Variants in TRIM72 observed in about 807,000 individuals in gnomAD.
The protein encoded by TRIM72 is tripartite motif-containing protein 72.
Under a neutral mutation model 31.6 loss-of-function variants are expected in TRIM72, and 33 were observed. The ratio of observed to expected loss-of-function variants is 1.04; its 90% confidence interval spans 0.79 to 1.40. The LOEUF (loss-of-function observed/expected upper bound fraction) is 1.40. TRIM72 is among the 40% of genes most tolerant of loss of function. The pLI is 0.00. For missense variants in TRIM72, 666 were observed against 682.7 expected (o/e 0.98, Z 0.27); for synonymous variants, 301 against 314.4 (o/e 0.96, Z 0.45).
At chr16:31,217,963 G>A (rs568649264) in intron 2 of TRIM72, among the ~76,000 whole-genome samples, 7 of 152,296 alleles carry the variant, frequency 4.6e-5, no homozygotes, top group African/African-American at 1.4e-4. Context: ...AAGCCCATGT[G>A]TGTACAGGCA....
chr16:31,216,617 GC>G lies in TRIM72; in HGVS notation c.390+1490del. 1 of 1,009,752 alleles carries G rather than the reference GC, an allele frequency of 9.9e-7. No homozygotes were observed. Among genetic ancestry groups the G allele is most frequent in the South Asian group, 1.7e-5 (1 of 60,304 alleles). The allele number at this position is 1,009,752 out of a possible 1,614,324, so 62.5% of individuals were successfully genotyped here. A position where few individuals can be genotyped will look rare whatever the true frequency, so the allele number is the denominator to read the frequency against. On this transcript the variant is annotated intron_variant, in intron 2 of 6. Coordinates refer to ENST00000322122, the MANE Select transcript of TRIM72 (RefSeq NM_001008274.4). This position sits in a 1 kb window ranked among gnomAD's most constrained non-coding sequence, Gnocchi z 6.7. ...GCCCAGCCCTTCGCCCCCGGGAGGG[GC>G]TGGCCGGAGGTCTGAGGGAGGACCC...
chr16:31,220,060 G>C (rs2079526683), intron 4 of TRIM72, among the ~76,000 whole-genome samples: 1 of 144,382 alleles, frequency 6.9e-6, no homozygotes, highest in Non-Finnish European at 1.5e-5. Flanking sequence ...ACCGCGCCTG[G>C]TCTTTTTTTT....
Position 31,222,814 on chromosome 16 carries a change from T to G in TRIM72, c.741-13T>G. 2 of 213,848 alleles carry G rather than the reference T, an allele frequency of 9.4e-6. No homozygotes were observed. Among genetic ancestry groups the G allele is most frequent in the Non-Finnish European group, 1.7e-5 (2 of 116,478 alleles). The allele number at this position is 213,848 out of a possible 1,614,324, so 13.2% of individuals were successfully genotyped here. A position where few individuals can be genotyped will look rare whatever the true frequency, so the allele number is the denominator to read the frequency against. On this transcript the variant is annotated splice_polypyrimidine_tract_variant and intron_variant, in intron 5 of 6. Transcript: ENST00000322122. ...CCCTCACACATGCCTCCCCTTCCCC[T>G]CCCCACCCCCAGGCTGCAGAAGATC...
chr16:31,219,281 C>T lies in TRIM72; in HGVS notation c.487-8C>T, dbSNP rs371172455. ...TTTATCCCTTCAATCACTGCCCCAT[C>T]CCTGCAGGAGACAGTGCGTCAGTTC... On this transcript the variant is annotated splice_polypyrimidine_tract_variant and splice_region_variant and intron_variant, in intron 3 of 6. Coordinates refer to ENST00000322122, the MANE Select transcript of TRIM72 (RefSeq NM_001008274.4). This position sits in a 1 kb window ranked among gnomAD's most constrained non-coding sequence, Gnocchi z 4.2. 24 of 1,614,186 alleles carry T rather than the reference C, an allele frequency of 1.5e-5. No individual in the cohort carries two copies. The highest frequency in any genetic ancestry group is 2.0e-5 in the Non-Finnish European group (24 of 1,180,036).
At position 31,224,540 on chromosome 16, in the gene TRIM72, G is replaced by C; in HGVS notation, c.1219G>C (p.Glu407Gln). 2.0e-6 allele frequency: 3 copies of C among 1,526,860 alleles called. No homozygotes were observed. The highest frequency in any genetic ancestry group is 1.2e-5 in the South Asian group (1 of 82,842). 94.6% of individuals were successfully genotyped at this position (1,526,860 alleles called of 1,614,324 possible). The change falls in exon 7 of 7, where the codon GAG becomes CAG. Residue 407 changes from glutamate (E) to glutamine (Q), a missense_variant. Glu to Gln is a conservative substitution (Grantham distance 29). Transcript: ENST00000322122. ...AKEPRALRSP[E>Q]RRPTRIGLYL... ...GGAGCCGCGCGCTCTGCGCAGCCCC[G>C]AGAGGCGGCCCACGCGCATTGGCCT...
intron 5 of TRIM72, among the ~76,000 whole-genome samples, chr16:31,222,498 T>TTTTTTG (rs398029196): frequency 6.7e-6 from 1 of 149,286 alleles, no homozygotes. Flanking sequence ...TTTTTTTTTT[T>TTTTTTG]AGACAGGATC....
intron 6 of TRIM72, 30 bp from the exon 7 acceptor site, chr16:31,224,150 TA>T (rs763041970): frequency 4.4e-6 from 7 of 1,594,936 alleles, no homozygotes; most frequent in Non-Finnish European, 5.9e-6. Context: ...GGCAGAAACC[TA>T]GGGTTTTCTG....
At chr16:31,217,721 T>C (rs1253180420) in intron 2 of TRIM72, among the ~76,000 whole-genome samples, 3 of 151,936 alleles carry the variant, frequency 2.0e-5, no homozygotes, top group Non-Finnish European at 4.4e-5. Context: ...TTCAAGTGAT[T>C]CTCCTGCCTC....
chr16:31,230,891 T>A lies in TRIM72; in HGVS notation c.*6136T>A, dbSNP rs10468372. 0.93 allele frequency: 141,627 copies of A among 152,066 alleles called. 66,814 individuals carry two copies. Among genetic ancestry groups the A allele is most frequent in the East Asian group, 1 (5,190 of 5,190 alleles). The allele number at this position is 152,066 out of a possible 1,614,324, so 9.4% of individuals were successfully genotyped here. A position where few individuals can be genotyped will look rare whatever the true frequency, so the allele number is the denominator to read the frequency against. ...AAATTATCCCACTGCAGAATGAGAC[T>A]CTGTCTCAAAGGAAAAAAAAGAAAA... On this transcript the variant is annotated 3_prime_UTR_variant, in exon 7 of 7. Transcript: ENST00000322122.
At position 31,226,321 on chromosome 16, in the gene TRIM72, T is replaced by G; in HGVS notation, c.*1566T>G. ...AACCAAAGCAAAGACACTTAAGGGC[T>G]GGGTACTCATGCCTGTAAACCCAAC... On this transcript the variant is annotated 3_prime_UTR_variant, in exon 7 of 7. Transcript: ENST00000322122. 6.6e-6 allele frequency: 1 copy of G among 152,154 alleles called. No homozygotes were observed. The highest frequency in any genetic ancestry group is 1.5e-5 in the Non-Finnish European group (1 of 68,042). The allele number at this position is 152,154 out of a possible 1,614,324, so 9.4% of individuals were successfully genotyped here. A position where few individuals can be genotyped will look rare whatever the true frequency, so the allele number is the denominator to read the frequency against.
In TRIM72 at chr16:31,216,977, C is replaced by G; in HGVS notation, c.390+1849C>G. The G allele has an allele frequency of 6.2e-7, 1 of 1,614,164 alleles. No homozygotes were observed. The highest frequency in any genetic ancestry group is 8.5e-7 in the Non-Finnish European group (1 of 1,180,006). On this transcript the variant is annotated intron_variant, in intron 2 of 6. Transcript: ENST00000322122. This position sits in a 1 kb window ranked among gnomAD's most constrained non-coding sequence, Gnocchi z 6.7. ...TTCATCTTGAACTTCTTGAGCTCCT[C>G]CGGTGTCAGGTTCTCCAGCACCTTC...
Position 31,224,337 on chromosome 16 carries a change from A to T in TRIM72, c.1016A>T (p.Gln339Leu), listed in dbSNP as rs763780493. 32 of 1,591,018 alleles carry T rather than the reference A, an allele frequency of 2.0e-5. 2 individuals carry two copies. The highest frequency in any genetic ancestry group is 2.4e-5 in the Non-Finnish European group (28 of 1,171,962). ...GCGGTGGCGGTGGTGGCGCACCAGC[A>T]GCTCTCCGAGGGCGAGCACTACTGG... Reference protein sequence around the residue: ...DKAVAVVAHQQLSEGEHYWEV... With the variant: ...DKAVAVVAHQLLSEGEHYWEV... The change falls in exon 7 of 7, where the codon CAG becomes CTG. Residue 339 changes from glutamine (Q) to leucine (L), a missense_variant. Transcript: ENST00000322122.
Position 31,216,828 on chromosome 16 carries a change from C to A in TRIM72, c.390+1700C>A. Reference sequence around the variant, plus strand: ...TGTCGCGCAGCACGGCCACGACGAGCTCGGCTGCGTAGTCCTCGTAGTAGG... The same window carrying A: ...TGTCGCGCAGCACGGCCACGACGAGATCGGCTGCGTAGTCCTCGTAGTAGG... On this transcript the variant is annotated intron_variant, in intron 2 of 6. Transcript: ENST00000322122. The surrounding 1 kb of genome is among the most constrained non-coding windows in gnomAD (Gnocchi z 6.7). 1 of 1,613,388 alleles carries A rather than the reference C, an allele frequency of 6.2e-7. No homozygotes were observed. Among genetic ancestry groups the A allele is most frequent in the Non-Finnish European group, 8.5e-7 (1 of 1,179,708 alleles).
At chr16:31,217,108 C>T (rs2079513866) in intron 2 of TRIM72, 5 of 1,429,238 alleles carry the variant, frequency 3.5e-6, no homozygotes, top group Admixed American at 4.3e-5. Context: ...GGAGCTGCCG[C>T]CCCCGGGGAT....
chr16:31,220,931 T>C lies in TRIM72; in HGVS notation c.740+13T>C. On this transcript the variant is annotated intron_variant, in intron 5 of 6. Transcript: ENST00000322122. ...TGGTGACCAGCAGGTGAGAGCAACC[T>C]GGCCCTGTCCCTTTGCCCGACTTGT... 6.2e-7 allele frequency: 1 copy of C among 1,614,188 alleles called. No individual in the cohort carries two copies. Among genetic ancestry groups the C allele is most frequent in the Non-Finnish European group, 8.5e-7 (1 of 1,180,024 alleles).
At chr16:31,221,592 GGGGAGAAGGGCATT>G (rs1227256186) in intron 5 of TRIM72, among the ~76,000 whole-genome samples, 1 of 136,998 alleles carries the variant, frequency 7.3e-6, no homozygotes. Flanking sequence ...GGGCATTGCT[GGGGAGAAGGGCATT>G]GGGAGAAGGG....
rs765360475 is a variant in TRIM72 at position 31,216,968 on chromosome 16, T to C, written c.390+1840T>C. On this transcript the variant is annotated intron_variant, in intron 2 of 6. Transcript: ENST00000322122. This position sits in a 1 kb window ranked among gnomAD's most constrained non-coding sequence, Gnocchi z 6.7. The stretch of plus-strand genomic sequence containing the variant: ...GTCCCCAGCTTCATCTTGAACTTCT[T>C]GAGCTCCTCCGGTGTCAGGTTCTCC... 10 of 1,614,012 alleles carry C rather than the reference T, an allele frequency of 6.2e-6. No individual in the cohort carries two copies. Among genetic ancestry groups the C allele is most frequent in the African/African-American group, 4.0e-5 (3 of 74,940 alleles).
chr16:31,219,510 G>A lies in TRIM72; in HGVS notation c.708G>A (p.Glu236=), dbSNP rs919105818. The change falls in exon 4 of 7, where the codon GAG becomes GAA. Residue 236 remains glutamate (E), a synonymous_variant. Transcript: ENST00000322122. This position sits in a 1 kb window ranked among gnomAD's most constrained non-coding sequence, Gnocchi z 4.2. ...AGGTGGCGGACAAGCCGCAGACTGA[G>A]TTCCTCATGGTGAGCACTGGGTGAC... ...LEEVADKPQT[E]FLMKYCLVTS... is the part of the protein sequence containing the mutation. 2 of 1,611,666 alleles carry A rather than the reference G, an allele frequency of 1.2e-6. No individual in the cohort carries two copies. Among genetic ancestry groups the A allele is most frequent in the Non-Finnish European group, 1.7e-6 (2 of 1,179,130 alleles).
chr16:31,224,565 T>C lies in TRIM72; in HGVS notation c.1244T>C (p.Leu415Pro). ...GAGAGGCGGCCCACGCGCATTGGCCTTTACCTGAGCTTCGGCGACGGCGTC... is the reference window on the plus strand; with the variant it reads ...GAGAGGCGGCCCACGCGCATTGGCCCTTACCTGAGCTTCGGCGACGGCGTC... ...SPERRPTRIG[L>P]YLSFGDGVLS... The change falls in exon 7 of 7, where the codon CTT (leucine) becomes CCT (proline). Residue 415 changes from leucine to proline, a missense_variant. Physicochemically the swap from Leu to Pro is moderately conservative, Grantham distance 98. Transcript: ENST00000322122. 2 of 1,548,114 alleles carry C rather than the reference T, an allele frequency of 1.3e-6. No homozygotes were observed. Among genetic ancestry groups the C allele is most frequent in the Middle Eastern group, 1.7e-4 (1 of 5,970 alleles).
Sources: gnomAD v4.1 joint callset for allele counts (sites outside exome capture counted in the v4.1 genomes callset) on GRCh38, gnomAD v4.1.1 for gene constraint, Gnocchi (gnomAD v3.1) non-coding constraint, MANE v1.5 for transcripts, NCBI Gene and HGNC (gene_info 2026-07-23, HGNC 2026-07-21) for gene names.